The following HYCC2 variants were observed in gnomAD, a reference collection of about 807,000 sequenced individuals.
The protein encoded by HYCC2 is hyccin 2.
the HYCC2 span, among the ~76,000 whole-genome samples, chr2:201,004,413 G>A: frequency 6.6e-6 from 1 of 152,206 alleles, no homozygotes; most frequent in African/African-American, 2.4e-5. Context: ...GCAATGCAGA[G>A]ATGGGTTGAA....
chr2:201,055,777 A>G, the HYCC2 span, among the ~76,000 whole-genome samples: 2 of 152,132 alleles, frequency 1.3e-5, no homozygotes, highest in Non-Finnish European at 2.9e-5. Context: ...AAAGAAGCAC[A>G]ATGCTGGGAG....
chr2:200,983,996 G>A, the HYCC2 span, among the ~76,000 whole-genome samples: 1 of 151,876 alleles, frequency 6.6e-6, no homozygotes, highest in South Asian at 2.1e-4. Context: ...TTAATCACAG[G>A]TATTATCTTC....
At chr2:201,055,331 G>A in the HYCC2 span, among the ~76,000 whole-genome samples, 6 of 148,140 alleles carry the variant, frequency 4.1e-5, no homozygotes, top group East Asian at 3.9e-4. Context: ...ACGGTGAGCC[G>A]AGATCGCACC....
the HYCC2 span, among the ~76,000 whole-genome samples, chr2:201,029,715 T>C: frequency 6.6e-6 from 1 of 151,774 alleles, no homozygotes; most frequent in Non-Finnish European, 1.5e-5. Flanking sequence ...CACTCATAGG[T>C]GGGAATTGAA....
chr2:201,014,043 C>T, the HYCC2 span, among the ~76,000 whole-genome samples: 1 of 152,166 alleles, frequency 6.6e-6, no homozygotes, highest in African/African-American at 2.4e-5. Context: ...CCTAGGGTTA[C>T]ATTTCTGACA....
At chr2:200,993,029 T>A in the HYCC2 span, 5 of 1,385,826 alleles carry the variant, frequency 3.6e-6, no homozygotes, top group South Asian at 6.1e-5. Flanking sequence ...ATTTAACATG[T>A]GATTTCCAGA....
the HYCC2 span, among the ~76,000 whole-genome samples, chr2:201,065,517 T>C: frequency 1.3e-5 from 2 of 152,268 alleles, no homozygotes; most frequent in East Asian, 1.9e-4. Flanking sequence ...GAGATGTAAA[T>C]AGCGGAGCTA....
chr2:201,032,270 G>A, the HYCC2 span, among the ~76,000 whole-genome samples: 1 of 151,986 alleles, frequency 6.6e-6, no homozygotes, highest in African/African-American at 2.4e-5. Flanking sequence ...CCTATTTACT[G>A]TCATTTTATA....
the HYCC2 span, among the ~76,000 whole-genome samples, chr2:201,027,792 C>T: frequency 1.1e-4 from 16 of 152,250 alleles, no homozygotes; most frequent in East Asian, 2.5e-3. Flanking sequence ...TCTCAATAAA[C>T]TAGGTATTGA....
the HYCC2 span, among the ~76,000 whole-genome samples, chr2:200,999,004 A>G: frequency 6.6e-6 from 1 of 152,212 alleles, no homozygotes; most frequent in African/African-American, 2.4e-5. Flanking sequence ...ACTAATTTCT[A>G]CCTGGGAGCC....
the HYCC2 span, among the ~76,000 whole-genome samples, chr2:200,985,142 G>A: frequency 6.6e-6 from 1 of 152,090 alleles, no homozygotes; most frequent in African/African-American, 2.4e-5. Context: ...AAAGAAAAAG[G>A]CAATTGTGTC....
At chr2:201,032,053 C>T in the HYCC2 span, among the ~76,000 whole-genome samples, 1 of 152,084 alleles carries the variant, frequency 6.6e-6, no homozygotes, top group Non-Finnish European at 1.5e-5. Context: ...CTCCACCTCC[C>T]GGATTCAAGC....
At chr2:201,006,350 A>G in the HYCC2 span, among the ~76,000 whole-genome samples, 1 of 147,094 alleles carries the variant, frequency 6.8e-6, no homozygotes. Context: ...CACATTGGCC[A>G]GGCTGGTTTT....
the HYCC2 span, among the ~76,000 whole-genome samples, chr2:201,042,525 C>A: frequency 1.3e-5 from 2 of 151,144 alleles, no homozygotes; most frequent in African/African-American, 4.9e-5. Context: ...GTCTCTGCCC[C>A]GCCGCCACCC....
the HYCC2 span, among the ~76,000 whole-genome samples, chr2:201,069,012 A>AG: frequency 6.6e-6 from 1 of 152,170 alleles, no homozygotes; most frequent in Non-Finnish European, 1.5e-5. Flanking sequence ...AGGATCTCTA[A>AG]GGGGAAAAAA....
the HYCC2 span, among the ~76,000 whole-genome samples, chr2:200,983,890 A>C: frequency 9.9e-5 from 15 of 152,206 alleles, no homozygotes; most frequent in Non-Finnish European, 2.1e-4. Flanking sequence ...TGGCCATAAA[A>C]AAGATGATAA....
the HYCC2 span, among the ~76,000 whole-genome samples, chr2:201,048,482 TTTTTTTTTGCAA>T: frequency 1.8e-4 from 27 of 145,970 alleles, no homozygotes; most frequent in Non-Finnish European, 2.9e-4. Flanking sequence ...ATGATGAGAT[TTTTTTTTTGCAA>T]TTTTTTTTGC....
chr2:201,061,125 T>C, the HYCC2 span, among the ~76,000 whole-genome samples: 1 of 151,600 alleles, frequency 6.6e-6, no homozygotes, highest in Admixed American at 6.6e-5. Flanking sequence ...TGTTTAAAAC[T>C]TGTTCAAATT....
At chr2:200,981,739 A>G in the HYCC2 span, 1 of 1,614,018 alleles carries the variant, frequency 6.2e-7, no homozygotes, top group South Asian at 1.1e-5. The surrounding 1 kb of genome is among the most constrained non-coding windows in gnomAD (Gnocchi z 4.5). Flanking sequence ...TACTTTCCTT[A>G]AGCTTCCCCT....
Sources: gnomAD v4.1 joint callset for allele counts (sites outside exome capture counted in the v4.1 genomes callset) on GRCh38, gnomAD v4.1.1 for gene constraint, Gnocchi (gnomAD v3.1) non-coding constraint, MANE v1.5 for transcripts, NCBI Gene and HGNC (gene_info 2026-07-23, HGNC 2026-07-21) for gene names.